The following RPH3A variants were observed in gnomAD, a reference collection of about 807,000 sequenced individuals.
RPH3A encodes the protein rabphilin 3A.
RPH3A carries 48 observed loss-of-function variants against 102.2 expected under a neutral mutation model. The observed-to-expected ratio is 0.47, with a 90% CI of 0.37 to 0.60. RPH3A has a LOEUF of 0.60. Ranked by LOEUF, RPH3A falls within the 20% of genes least tolerant of loss-of-function variation. The pLI, the probability that RPH3A is intolerant of heterozygous loss-of-function variation, is 0.00. For synonymous variants in RPH3A, 310 were observed against 324.3 expected, an observed-to-expected ratio of 0.96 and a Z score of 0.47; for missense variants, 781 against 910.1, an observed-to-expected ratio of 0.86 and a Z score of 1.83.
chr12:112,845,217 T>C (rs1030756156), intron 4 of RPH3A, among the ~76,000 whole-genome samples: 2 of 152,156 alleles, frequency 1.3e-5, no homozygotes, highest in African/African-American at 4.8e-5. Context: ...CTGGCCACCA[T>C]ACTGGTCTTC....
intron 2 of RPH3A, among the ~76,000 whole-genome samples, chr12:112,823,257 G>A (rs914366569): frequency 6.6e-6 from 1 of 152,234 alleles, no homozygotes; most frequent in African/African-American, 2.4e-5. Flanking sequence ...TGTGAACAGA[G>A]TAGTGAGTAA....
intron 1 of RPH3A, among the ~76,000 whole-genome samples, chr12:112,640,784 A>G (rs1363344689): frequency 6.6e-6 from 1 of 152,174 alleles, no homozygotes; most frequent in Admixed American, 6.5e-5. Flanking sequence ...AATGATGAAC[A>G]TGACAAGTGA....
At chr12:112,629,171 A>T (rs1162885191) in intron 1 of RPH3A, among the ~76,000 whole-genome samples, 2 of 152,200 alleles carry the variant, frequency 1.3e-5, no homozygotes, top group Admixed American at 6.5e-5. Context: ...TTGGCTCTAG[A>T]TAAAAAAGGT....
chr12:112,708,927 AT>A (rs1365635022), intron 1 of RPH3A, among the ~76,000 whole-genome samples: 3 of 152,144 alleles, frequency 2.0e-5, no homozygotes, highest in African/African-American at 7.2e-5. Context: ...TCTATCACAG[AT>A]TTGATTTTTA....
chr12:112,646,508 G>A (rs187292237), intron 1 of RPH3A, among the ~76,000 whole-genome samples: 23 of 152,296 alleles, frequency 1.5e-4, no homozygotes, highest in African/African-American at 4.8e-4. Flanking sequence ...AGGGACCCTG[G>A]AAGGTGTGGC....
intron 1 of RPH3A, among the ~76,000 whole-genome samples, chr12:112,676,095 G>A (rs1038468315): frequency 1.5e-4 from 23 of 152,112 alleles, no homozygotes; most frequent in African/African-American, 5.6e-4. Flanking sequence ...GGCCCAGACT[G>A]GGGAGAAATA....
intron 4 of RPH3A, chr12:112,837,854 C>T (rs1593064623): frequency 2.2e-6 from 1 of 454,046 alleles, no homozygotes; most frequent in South Asian, 1.6e-5. Context: ...TCCCCAGGCT[C>T]CTCCCCTCCT....
chr12:112,664,980 C>T (rs920694900), intron 1 of RPH3A, among the ~76,000 whole-genome samples: 1 of 151,952 alleles, frequency 6.6e-6, no homozygotes, highest in African/African-American at 2.4e-5. Flanking sequence ...GGATAAATAC[C>T]CCAGGTTGTC....
At chr12:112,702,040 G>C (rs1592952027) in intron 1 of RPH3A, among the ~76,000 whole-genome samples, 1 of 152,224 alleles carries the variant, frequency 6.6e-6, no homozygotes, top group Admixed American at 6.5e-5. Flanking sequence ...GGTGGTTTTA[G>C]CAAGCACAGC....
chr12:112,729,515 G>C (rs1251502571), intron 1 of RPH3A, among the ~76,000 whole-genome samples: 1 of 152,048 alleles, frequency 6.6e-6, no homozygotes, highest in Non-Finnish European at 1.5e-5. Context: ...TTTATCGCAG[G>C]TGTCTTGTTT....
intron 4 of RPH3A, among the ~76,000 whole-genome samples, chr12:112,841,706 G>GTTTTTT (rs150878418): frequency 2.1e-5 from 3 of 145,066 alleles, no homozygotes; most frequent in African/African-American, 2.6e-5. Context: ...TTGTTTTTTT[G>GTTTTTT]GTTTTTTTTT....
At chr12:112,792,597 CGTGGG>C (rs2041143789) in intron 2 of RPH3A, among the ~76,000 whole-genome samples, 1 of 152,162 alleles carries the variant, frequency 6.6e-6, no homozygotes, top group Non-Finnish European at 1.5e-5. Flanking sequence ...GTTAACCCTT[CGTGGG>C]GCTGGCTAGT....
chr12:112,704,152 G>A, intron 1 of RPH3A, among the ~76,000 whole-genome samples: 1 of 151,024 alleles, frequency 6.6e-6, no homozygotes, highest in East Asian at 1.9e-4. Context: ...GCAGTGGCAT[G>A]ATCTCAACTC....
At chr12:112,662,918 A>G (rs1365551095) in intron 1 of RPH3A, among the ~76,000 whole-genome samples, 1 of 152,040 alleles carries the variant, frequency 6.6e-6, no homozygotes, top group African/African-American at 2.4e-5. Flanking sequence ...CAATCAGAGG[A>G]GACTTCTCTG....
intron 2 of RPH3A, among the ~76,000 whole-genome samples, chr12:112,803,284 C>T (rs1234690861): frequency 6.6e-6 from 1 of 151,916 alleles, no homozygotes. Flanking sequence ...GGTACAAGTT[C>T]CAGATGTGCC....
intron 1 of RPH3A, among the ~76,000 whole-genome samples, chr12:112,615,499 T>A (rs2039672351): frequency 6.6e-6 from 1 of 152,156 alleles, no homozygotes; most frequent in Non-Finnish European, 1.5e-5. Context: ...GGAAAAGGTA[T>A]CATGCCAGCC....
At chr12:112,649,992 A>G (rs2135996665) in intron 1 of RPH3A, among the ~76,000 whole-genome samples, 1 of 152,326 alleles carries the variant, frequency 6.6e-6, no homozygotes, top group Admixed American at 6.5e-5. Flanking sequence ...TTGCATTCTG[A>G]GGTCCTAGGG....
intron 2 of RPH3A, among the ~76,000 whole-genome samples, chr12:112,802,013 T>C (rs2041364398): frequency 6.6e-6 from 1 of 152,250 alleles, no homozygotes; most frequent in South Asian, 2.1e-4. Flanking sequence ...CCCTATTTTT[T>C]TCTCCATTTT....
At chr12:112,838,120 A>G (rs2042084318) in intron 4 of RPH3A, among the ~76,000 whole-genome samples, 1 of 152,228 alleles carries the variant, frequency 6.6e-6, no homozygotes, top group Admixed American at 6.5e-5. Flanking sequence ...GCACAAAGAC[A>G]GTCACCTAGC....
Sources: allele counts gnomAD v4.1 joint callset (sites outside exome capture counted in the v4.1 genomes callset), GRCh38; gene constraint gnomAD v4.1.1; transcripts MANE v1.5; gene names NCBI Gene and HGNC (gene_info 2026-07-23, HGNC 2026-07-21).